Variants in AMT observed in about 807,000 individuals in gnomAD.
The protein encoded by AMT is aminomethyltransferase, mitochondrial.
In AMT, 24 loss-of-function variants were observed where a neutral mutation model predicts 39.5. The ratio of observed to expected loss-of-function variants is 0.61; its 90% confidence interval spans 0.44 to 0.86. The LOEUF is 0.86. AMT is among the 40% of genes least tolerant of loss of function. The pLI is 0.00. For missense variants in AMT, 501 were observed against 537.0 expected, an observed-to-expected ratio of 0.93 and a Z score of 0.66; for synonymous variants, 210 against 212.1, an observed-to-expected ratio of 0.99 and a Z score of 0.09.
At position 49,422,231 on chromosome 3, in the gene AMT, G is replaced by A. The variant is rs955844810; in HGVS notation, c.131C>T (p.Ala44Val). The A allele has an allele frequency of 1.2e-6, 2 of 1,614,098 alleles. No homozygotes were observed. The highest frequency in any genetic ancestry group is 1.1e-5 in the South Asian group (1 of 91,090). The change falls in exon 2 of 9, where the codon GCC becomes GTC. Residue 44 changes from alanine (A) to valine (V), a missense_variant. Ala to Val is a moderately conservative substitution (Grantham distance 64). Transcript: ENST00000273588. Reference sequence around the variant, plus strand: ...AAACGCCACCATTTTCCCGCCGTGGGCCAGGTGGAAGTCATAGAGCGGTGT... The same window carrying A: ...AAACGCCACCATTTTCCCGCCGTGGACCAGGTGGAAGTCATAGAGCGGTGT... ...RRTPLYDFHL[A>V]HGGKMVAFAG... is the part of the protein sequence containing the mutation.
intron 5 of AMT, 138 bp from the exon 6 acceptor site, chr3:49,419,543 C>T: frequency 6.7e-6 from 10 of 1,484,038 alleles, no homozygotes; most frequent in Non-Finnish European, 9.3e-6. Context: ...TGTCCCTAGC[C>T]CATGGAGCCT....
In AMT at chr3:49,420,197, CAG is replaced by C. The variant is rs370772505; in HGVS notation, c.471+12_471+13del. The C allele has an allele frequency of 8.4e-4, 1,358 of 1,614,170 alleles. 13 individuals carry two copies. The African/African-American group carries it at 0.017, about 20-fold the overall frequency. On this transcript the variant is annotated intron_variant, in intron 4 of 8. Transcript: ENST00000273588. ...CAAGGAAGACAAGGTGTCTAGAACA[CAG>C]AGGGGGTATACCTGCATGAGGGCCA...
intron 6 of AMT, 33 bp downstream of exon 6, chr3:49,419,227 C>A (rs1481096366): frequency 6.2e-7 from 1 of 1,614,068 alleles, no homozygotes; most frequent in Admixed American, 1.7e-5. Context: ...CATCCTGTGC[C>A]CTGTACTGCC....
intron 7 of AMT, 158 bp from the exon 8 acceptor site, chr3:49,418,131 A>G: frequency 1.1e-6 from 1 of 878,610 alleles, no homozygotes; most frequent in Non-Finnish European, 1.8e-6. Flanking sequence ...TCAGCCAACC[A>G]ACCACCTCCT....
chr3:49,421,344 G>A (rs2049098690), intron 3 of AMT, 148 bp downstream of exon 3: 2 of 708,060 alleles, frequency 2.8e-6, no homozygotes, highest in Non-Finnish European at 5.1e-6. Flanking sequence ...TGTGTCTCTG[G>A]AAATGACTCA....
rs187651539 is a variant in AMT, at chr3:49,421,604, G to C, written c.259-32C>G. 7.1e-5 allele frequency: 112 copies of C among 1,585,834 alleles called. No individual in the cohort carries two copies. In the East Asian group the frequency reaches 2.4e-3, roughly 34 times the overall value. On this transcript the variant is annotated intron_variant, in intron 2 of 8. Transcript: ENST00000273588. The stretch of plus-strand genomic sequence containing the variant: ...AAGAGATTGAAAGCCTCAGGCCATT[G>C]CAACAGCTACAATCCAAAAGGCTAC...
At chr3:49,418,238 A>AGTG (rs2049033864) in intron 7 of AMT, 2 of 501,742 alleles carry the variant, frequency 4.0e-6, no homozygotes, top group Non-Finnish European at 7.2e-6. Context: ...CCTAGAATGC[A>AGTG]GTGGCACGAT....
chr3:49,420,220 G>A lies in AMT; in HGVS notation c.462C>T (p.Ala154=), dbSNP rs1192215555. 3 of 1,614,024 alleles carry A rather than the reference G, an allele frequency of 1.9e-6. No homozygotes were observed. Among genetic ancestry groups the A allele is most frequent in the Admixed American group, 3.3e-5 (2 of 59,994 alleles). The change falls in exon 4 of 9, where the codon GCC becomes GCT. Residue 154 remains alanine, a synonymous_variant. Coordinates refer to ENST00000273588, the MANE Select transcript of AMT (RefSeq NM_000481.4). The part of the protein sequence containing the change: ...SNAGCWEKDL[A]LMQDKVRELQ... ...CACAGAGGGGGTATACCTGCATGAG[G>A]GCCAAATCTTTCTCCCAGCAGCCAG... is the stretch of plus-strand genomic sequence containing the variant.
chr3:49,420,013 C>T lies in AMT; in HGVS notation c.471+198G>A, dbSNP rs996889607. On this transcript the variant is annotated intron_variant, in intron 4 of 8. Coordinates refer to ENST00000273588, the MANE Select transcript of AMT (RefSeq NM_000481.4). ...CCTCACACCAGAGGGGCCAAGACCC[C>T]CTCCCCATGCCTGGTAATCCCCCAC... is the stretch of plus-strand genomic sequence containing the variant. 7 of 826,562 alleles carry T rather than the reference C, an allele frequency of 8.5e-6. No individual in the cohort carries two copies. In the African/African-American group the frequency reaches 1.0e-4, roughly 12 times the overall value. 51.2% of individuals were successfully genotyped at this position (826,562 alleles called of 1,614,324 possible).
chr3:49,418,931 G>C, intron 7 of AMT, 40 bp downstream of exon 7: 1 of 1,608,482 alleles, frequency 6.2e-7, no homozygotes, highest in Non-Finnish European at 8.5e-7. Flanking sequence ...GGGTCACCCT[G>C]ACCTCCAGGA....
At position 49,419,367 on chromosome 3, in the gene AMT, C is replaced by G. The variant is rs200550585; in HGVS notation, c.589G>C (p.Asp197His). The stretch of plus-strand genomic sequence containing the variant: ...ATGAAGGGCAGTTTCCTCAGGTCAT[C>G]TGCCACGCCGGCCTGTAGTACCTGG... ...AAQVLQAGVA[D>H]DLRKLPFMTS... The change falls in exon 6 of 9, where the codon GAT (aspartate) becomes CAT (histidine). Residue 197 changes from aspartate to histidine, a missense_variant. Asp to His is a moderately conservative substitution (Grantham distance 81). Transcript: ENST00000273588. 134 of 1,614,160 alleles carry G rather than the reference C, an allele frequency of 8.3e-5. No homozygotes were observed. In the East Asian group the frequency reaches 2.9e-3, roughly 35 times the overall value.
In AMT at chr3:49,417,438, C is replaced by G; in HGVS notation, c.*102G>C. On this transcript the variant is annotated 3_prime_UTR_variant, in exon 9 of 9. Transcript: ENST00000273588. ...TCAACCAGACAATTAGAATCAGCCT[C>G]CACCTTAACTGCCCACCCCCAGTGA... The G allele has an allele frequency of 6.2e-7, 1 of 1,613,212 alleles. No homozygotes were observed. Among genetic ancestry groups the G allele is most frequent in the Non-Finnish European group, 8.5e-7 (1 of 1,179,870 alleles).
At chr3:49,418,494 C>CGTTTTTTTTTT (rs2049038150) in intron 7 of AMT, 1 of 64,260 alleles carries the variant, frequency 1.6e-5, no homozygotes, top group Non-Finnish European at 2.7e-5. Context: ...TCTTCAGTTT[C>CGTTTTTTTTTT]TTTTTTTTTT....
In AMT at chr3:49,417,337, C is replaced by A; in HGVS notation, c.*203G>T. The A allele has an allele frequency of 6.3e-7, 1 of 1,594,872 alleles. No homozygotes were observed. The highest frequency in any genetic ancestry group is 1.1e-5 in the South Asian group (1 of 90,892). ...GAAACAAGACATTGTGTGAGCTGGT[C>A]CGTCACTCAGAAGCAGGGTCCTGAA... On this transcript the variant is annotated 3_prime_UTR_variant, in exon 9 of 9. Coordinates refer to ENST00000273588, the MANE Select transcript of AMT (RefSeq NM_000481.4).
rs2049007779 is a variant in AMT at position 49,416,915 on chromosome 3, A to G, written c.*625T>C. 2.2e-6 allele frequency: 1 copy of G among 460,178 alleles called. No homozygotes were observed. Among genetic ancestry groups the G allele is most frequent in the Non-Finnish European group, 4.3e-6 (1 of 231,208 alleles). 28.5% of individuals were successfully genotyped at this position (460,178 alleles called of 1,614,324 possible). On this transcript the variant is annotated 3_prime_UTR_variant, in exon 9 of 9. Transcript: ENST00000273588. ...CTGCCCTACAGCAGCCCTGGAACTC[A>G]GAATAGGTGGTGAGTCTGCCATGGT... is the stretch of plus-strand genomic sequence containing the variant.
intron 4 of AMT, 85 bp from the exon 5 acceptor site, chr3:49,419,873 G>C (rs2049069292): frequency 7.7e-7 from 1 of 1,299,880 alleles, no homozygotes; most frequent in Non-Finnish European, 1.1e-6. Context: ...GACAGTAGTA[G>C]GACAGTGGAG....
At position 49,417,978 on chromosome 3, in the gene AMT, A is replaced by G; in HGVS notation, c.878-5T>C. On this transcript the variant is annotated splice_region_variant and splice_polypyrimidine_tract_variant and intron_variant, in intron 7 of 8. Transcript: ENST00000273588. Reference sequence around the variant, plus strand: ...TAGCAGCTCGGCGGCGCTTCCCTGGAGAATGACACATGAGACATAAGCCAC... The same window carrying G: ...TAGCAGCTCGGCGGCGCTTCCCTGGGGAATGACACATGAGACATAAGCCAC... 1 of 1,605,334 alleles carries G rather than the reference A, an allele frequency of 6.2e-7. No individual in the cohort carries two copies. The highest frequency in any genetic ancestry group is 2.3e-5 in the East Asian group (1 of 44,382).
intron 7 of AMT, 181 bp downstream of exon 7, chr3:49,418,790 C>G (rs1575304425): frequency 1.5e-6 from 1 of 686,518 alleles, no homozygotes; most frequent in East Asian, 2.8e-5. Flanking sequence ...CAGATGTGAG[C>G]CACCGCATCC....
chr3:49,420,922 G>C (rs11922013), intron 3 of AMT: 59,074 of 202,952 alleles, frequency 0.29, 9,505 homozygotes, highest in Middle Eastern at 0.32. Flanking sequence ...TGCTGGTTTA[G>C]AGACCACACT....
Sources: gnomAD v4.1 joint callset for allele counts on GRCh38, gnomAD v4.1.1 for gene constraint, MANE v1.5 for transcripts, NCBI Gene and HGNC (gene_info 2026-07-23, HGNC 2026-07-21) for gene names.